Variants in MYO3B observed in about 807,000 individuals in gnomAD.
MYO3B encodes the protein myosin IIIB, also known as myosin-IIIb.
In MYO3B, 156 loss-of-function variants were observed where a neutral mutation model predicts 174.6. That is an observed-to-expected ratio of 0.89 (90% CI 0.78 to 1.02). The LOEUF is 1.02. Ranked by LOEUF, MYO3B falls within the 50% of genes least tolerant of loss-of-function variation. MYO3B has a pLI of 0.00. For missense variants in MYO3B, 1,632 were observed against 1,639.4 expected (o/e 1.00, Z 0.08); for synonymous variants, 563 against 569.1 (o/e 0.99, Z 0.15).
chr2:170,269,460 A>C lies in MYO3B; in HGVS notation c.749+33324A>C, dbSNP rs567209999. 3.3e-5 allele frequency among the ~76,000 whole-genome samples: 5 copies of C among 152,274 alleles called. No homozygotes were observed. The South Asian group carries it at 1.0e-3, about 32-fold the overall frequency. On this transcript the variant is annotated intron_variant, in intron 7 of 34. Coordinates refer to ENST00000408978, the MANE Select transcript of MYO3B (RefSeq NM_138995.5). ...TATCAGAGTAGCAAAACTGGGAAAGACTGATAATAAGTGTTGGTAAGAATG... is the reference window on the plus strand; with the variant it reads ...TATCAGAGTAGCAAAACTGGGAAAGCCTGATAATAAGTGTTGGTAAGAATG...
intron 32 of MYO3B, among the ~76,000 whole-genome samples, chr2:170,631,778 G>C (rs1197156136): frequency 5.3e-5 from 8 of 152,082 alleles, no homozygotes; most frequent in Non-Finnish European, 1.2e-4. Context: ...GACACACACA[G>C]GCTCAAAATA....
intron 32 of MYO3B, among the ~76,000 whole-genome samples, chr2:170,563,765 A>G (rs539636902): frequency 2.6e-5 from 4 of 152,212 alleles, no homozygotes; most frequent in Non-Finnish European, 5.9e-5. Context: ...CTTTTTCTTC[A>G]TAGTCCCAAG....
chr2:170,317,438 C>T (rs11696033), intron 7 of MYO3B, among the ~76,000 whole-genome samples: 70,781 of 151,964 alleles, frequency 0.47, 18,048 homozygotes, highest in East Asian at 0.67. Flanking sequence ...CACCAAATTT[C>T]CTGGATGATT....
chr2:170,455,376 T>C (rs1163067872), intron 23 of MYO3B, among the ~76,000 whole-genome samples: 1 of 152,230 alleles, frequency 6.6e-6, no homozygotes, highest in Non-Finnish European at 1.5e-5. Flanking sequence ...GTCTCAGTTA[T>C]AATTTTTGCA....
intron 7 of MYO3B, among the ~76,000 whole-genome samples, chr2:170,250,093 C>T (rs2093234863): frequency 6.6e-6 from 1 of 152,176 alleles, no homozygotes; most frequent in African/African-American, 2.4e-5. Flanking sequence ...TTTATATCCA[C>T]TATTATTGAC....
chr2:170,277,708 CA>C (rs1165995564), intron 7 of MYO3B, among the ~76,000 whole-genome samples: 8,470 of 144,966 alleles, frequency 0.058, 734 homozygotes, highest in African/African-American at 0.19. Flanking sequence ...ATATGCCGAC[CA>C]AAAAAAAAAA....
At chr2:170,589,183 T>G (rs1388833948) in intron 32 of MYO3B, among the ~76,000 whole-genome samples, 1 of 152,166 alleles carries the variant, frequency 6.6e-6, no homozygotes, top group Non-Finnish European at 1.5e-5. Flanking sequence ...AAGAAGCTCC[T>G]TAAAAAGTTT....
At chr2:170,533,533 G>GCCTA (rs1158837574) in intron 30 of MYO3B, among the ~76,000 whole-genome samples, 1 of 151,964 alleles carries the variant, frequency 6.6e-6, no homozygotes, top group Non-Finnish European at 1.5e-5. Flanking sequence ...CTATGCCTTG[G>GCCTA]CCTAATTCAG....
At chr2:170,319,677 T>A (rs550040629) in intron 7 of MYO3B, among the ~76,000 whole-genome samples, 1 of 152,142 alleles carries the variant, frequency 6.6e-6, no homozygotes, top group Admixed American at 6.5e-5. Flanking sequence ...CAACTGAAAA[T>A]CTCAACAAAC....
In MYO3B at chr2:170,441,405, C is replaced by T. The variant is rs150122089; in HGVS notation, c.2651-2562C>T. On this transcript the variant is annotated intron_variant, in intron 22 of 34. Transcript: ENST00000408978. Reference sequence around the variant, plus strand: ...ACTATTTGGTATGATGTTAGTGTTACTGGAAAGGGATCCCAATCCAGATCC... The same window carrying T: ...ACTATTTGGTATGATGTTAGTGTTATTGGAAAGGGATCCCAATCCAGATCC... Among the ~76,000 whole-genome samples, 32 of 152,252 alleles carry T rather than the reference C, an allele frequency of 2.1e-4. No individual in the cohort carries two copies. In the East Asian group the frequency reaches 5.4e-3, roughly 26 times the overall value.
chr2:170,523,683 C>T (rs947501213), intron 30 of MYO3B, among the ~76,000 whole-genome samples: 17 of 152,206 alleles, frequency 1.1e-4, no homozygotes, highest in African/African-American at 4.1e-4. Context: ...CTCAGCATGT[C>T]AGTCATGCCC....
chr2:170,309,730 A>T (rs575498043), intron 7 of MYO3B, among the ~76,000 whole-genome samples: 188 of 151,370 alleles, frequency 1.2e-3, no homozygotes, highest in African/African-American at 3.7e-3. Context: ...TTTTTTTTTT[A>T]ATTTGAAGTT....
intron 7 of MYO3B, among the ~76,000 whole-genome samples, chr2:170,248,857 C>G (rs2093220750): frequency 6.6e-6 from 1 of 152,218 alleles, no homozygotes; most frequent in South Asian, 2.1e-4. Flanking sequence ...TTCACAGGTT[C>G]TGGGTATTAG....
At chr2:170,195,843 A>G (rs1013838815) in intron 1 of MYO3B, among the ~76,000 whole-genome samples, 2 of 152,176 alleles carry the variant, frequency 1.3e-5, no homozygotes, top group Non-Finnish European at 2.9e-5. Flanking sequence ...ATGTCCTATG[A>G]GAGGGGTCAG....
intron 7 of MYO3B, among the ~76,000 whole-genome samples, chr2:170,263,872 C>G (rs2105355350): frequency 6.6e-6 from 1 of 152,260 alleles, no homozygotes; most frequent in South Asian, 2.1e-4. Context: ...GTATCTCGGG[C>G]TGGGGGACGG....
At chr2:170,622,395 T>C (rs1696000985) in intron 32 of MYO3B, among the ~76,000 whole-genome samples, 1 of 152,140 alleles carries the variant, frequency 6.6e-6, no homozygotes, top group African/African-American at 2.4e-5. Context: ...TTAAATATCA[T>C]ATAAAGTGAT....
At chr2:170,558,893 G>T (rs76288192) in intron 32 of MYO3B, among the ~76,000 whole-genome samples, 2,648 of 152,246 alleles carry the variant, frequency 0.017, 63 homozygotes, top group East Asian at 0.088. Context: ...CTCCAAAATA[G>T]GAATAGTAAC....
chr2:170,552,160 G>A (rs1022703711), intron 32 of MYO3B, among the ~76,000 whole-genome samples: 1 of 152,178 alleles, frequency 6.6e-6, no homozygotes, highest in African/African-American at 2.4e-5. Flanking sequence ...TTGCTATAAA[G>A]GTATTACCAT....
chr2:170,184,445 C>A (rs1423255677), intron 1 of MYO3B, among the ~76,000 whole-genome samples: 1 of 152,088 alleles, frequency 6.6e-6, no homozygotes, highest in Non-Finnish European at 1.5e-5. Flanking sequence ...CAAAGTTTGT[C>A]TTTTTGTGCC....
Sources: gnomAD v4.1 joint callset for allele counts (sites outside exome capture counted in the v4.1 genomes callset) on GRCh38, gnomAD v4.1.1 for gene constraint, MANE v1.5 for transcripts, NCBI Gene and HGNC (gene_info 2026-07-23, HGNC 2026-07-21) for gene names.